Variants in PSD3 observed in about 807,000 individuals in gnomAD.
PSD3 encodes the protein PH and SEC7 domain-containing protein 3.
Under a neutral mutation model 105.5 loss-of-function variants are expected in PSD3, and 49 were observed. The observed-to-expected ratio is 0.46, with a 90% CI of 0.37 to 0.59. The LOEUF is 0.59. Ranked by LOEUF, PSD3 falls within the 20% of genes least tolerant of loss-of-function variation. PSD3 has a pLI of 0.00. For synonymous variants in PSD3, 557 were observed against 457.8 expected (o/e 1.22, Z -2.77); for missense variants, 1,561 against 1,263.8 (o/e 1.24, Z -3.57).
Position 18,765,622 on chromosome 8 carries a change from A to G in PSD3, c.2083-84T>C. 3.3e-6 allele frequency: 4 copies of G among 1,200,124 alleles called. No homozygotes were observed. The Admixed American group carries it at 6.8e-5, about 20-fold the overall frequency. The allele number at this position is 1,200,124 out of a possible 1,614,324, so 74.3% of individuals were successfully genotyped here. On this transcript the variant is annotated intron_variant, in intron 8 of 15. Coordinates refer to ENST00000327040, the MANE Select transcript of PSD3 (RefSeq NM_015310.4). ...AAATATATGATGAGGCAGACCAATA[A>G]TTTGTTTCTAAAAACATAACTAGGC...
chr8:18,859,393 G>C (rs1241229814), intron 4 of PSD3, among the ~76,000 whole-genome samples: 3 of 152,136 alleles, frequency 2.0e-5, no homozygotes, highest in Non-Finnish European at 4.4e-5. Flanking sequence ...AGGATTTTGA[G>C]AAGGGAAAAT....
intron 2 of PSD3, among the ~76,000 whole-genome samples, chr8:18,881,662 C>T (rs1052604900): frequency 7.2e-5 from 11 of 152,114 alleles, no homozygotes; most frequent in African/African-American, 2.7e-4. Flanking sequence ...CTCAGGAGAG[C>T]CACAGTTACG....
At chr8:18,804,389 G>T in intron 6 of PSD3, 133 bp downstream of exon 6, 2 of 756,218 alleles carry the variant, frequency 2.6e-6, no homozygotes, top group Non-Finnish European at 4.1e-6. Flanking sequence ...CAAACATTTT[G>T]GAGAAGGAAT....
intron 1 of PSD3, among the ~76,000 whole-genome samples, chr8:19,020,810 G>A (rs1827339657): frequency 6.6e-6 from 1 of 152,168 alleles, no homozygotes; most frequent in African/African-American, 2.4e-5. Flanking sequence ...TGACTCAAGG[G>A]TTTGGGACTG....
Position 18,535,858 on chromosome 8 carries a change from G to A in PSD3, c.3029C>T (p.Ser1010Leu). The change falls in exon 16 of 16, where the codon TCG becomes TTG. Residue 1010 changes from serine to leucine, a missense_variant. By Grantham distance (145) the Ser-to-Leu change is moderately radical. Transcript: ENST00000327040. ...AGTATCCGGGTTCAGCGAAGGACTC[G>A]AGTGCGACTTCTTCAGTCCTGCAGC... ...SEAAGLKKSH[S>L]SPSLNPDTSP... is the part of the protein sequence containing the mutation. 2 of 1,614,084 alleles carry A rather than the reference G, an allele frequency of 1.2e-6. No individual in the cohort carries two copies. Among genetic ancestry groups the A allele is most frequent in the South Asian group, 1.1e-5 (1 of 91,082 alleles).
chr8:18,962,515 A>G (rs1422451394), intron 1 of PSD3, among the ~76,000 whole-genome samples: 5 of 152,198 alleles, frequency 3.3e-5, no homozygotes, highest in African/African-American at 1.2e-4. Flanking sequence ...AAAAAATGGC[A>G]AACTATATTG....
intron 1 of PSD3, among the ~76,000 whole-genome samples, chr8:18,945,865 T>C (rs1237328217): frequency 6.6e-6 from 1 of 150,390 alleles, no homozygotes. Context: ...ATCCCAGCTC[T>C]CAGGAGGCTG....
chr8:18,774,970 G>A, intron 8 of PSD3: 1 of 456,092 alleles, frequency 2.2e-6, no homozygotes, highest in South Asian at 1.5e-5. Context: ...AGAGAAAAGT[G>A]CCCATTAATC....
At chr8:18,800,394 A>T (rs564378503) in intron 7 of PSD3, among the ~76,000 whole-genome samples, 2 of 152,240 alleles carry the variant, frequency 1.3e-5, no homozygotes, top group South Asian at 4.1e-4. Flanking sequence ...CATGGAGGGG[A>T]GGTTGAGGCA....
intron 1 of PSD3, among the ~76,000 whole-genome samples, chr8:19,072,631 G>A (rs546107313): frequency 1.3e-5 from 2 of 152,314 alleles, no homozygotes; most frequent in South Asian, 4.1e-4. Context: ...GCTCCCAGCT[G>A]CTCAAATGCA....
chr8:18,990,168 T>G (rs1235959595), intron 1 of PSD3, among the ~76,000 whole-genome samples: 1 of 152,246 alleles, frequency 6.6e-6, no homozygotes, highest in Non-Finnish European at 1.5e-5. Flanking sequence ...TTTCTTGCCC[T>G]CTTCAATCCG....
chr8:18,750,735 C>T (rs1468347334), intron 9 of PSD3, among the ~76,000 whole-genome samples: 2 of 151,998 alleles, frequency 1.3e-5, no homozygotes, highest in Non-Finnish European at 2.9e-5. Context: ...AGGTTCTCCA[C>T]GTCCCCATCA....
At chr8:18,722,699 G>A (rs1166502547) in intron 9 of PSD3, among the ~76,000 whole-genome samples, 16 of 152,130 alleles carry the variant, frequency 1.1e-4, no homozygotes. Context: ...AATAATGGAT[G>A]AGGGAGAAAA....
chr8:18,840,073 A>G (rs1173026384), intron 4 of PSD3, among the ~76,000 whole-genome samples: 1 of 152,360 alleles, frequency 6.6e-6, no homozygotes, highest in Non-Finnish European at 1.5e-5. Flanking sequence ...TGGACCTTTA[A>G]GAATCCTAAT....
At chr8:18,668,550 C>T (rs1799611308) in intron 9 of PSD3, among the ~76,000 whole-genome samples, 1 of 152,160 alleles carries the variant, frequency 6.6e-6, no homozygotes, top group South Asian at 2.1e-4. Context: ...CAGCTGATGC[C>T]TATGAAGGTT....
chr8:18,535,610 A>G lies in PSD3; in HGVS notation c.*133T>C. 2.7e-6 allele frequency: 2 copies of G among 753,700 alleles called. No individual in the cohort carries two copies. Among genetic ancestry groups the G allele is most frequent in the South Asian group, 3.7e-5 (2 of 53,914 alleles). The allele number at this position is 753,700 out of a possible 1,614,324, so 46.7% of individuals were successfully genotyped here. ...TCTGTACAGAAACTAACAAAAATAT[A>G]CAATAGAAAAAATTACTAATGCACC... is the stretch of plus-strand genomic sequence containing the variant. On this transcript the variant is annotated 3_prime_UTR_variant, in exon 16 of 16. Coordinates refer to ENST00000327040, the MANE Select transcript of PSD3 (RefSeq NM_015310.4).
chr8:18,688,826 AG>A (rs1261705613), intron 9 of PSD3, among the ~76,000 whole-genome samples: 2 of 152,222 alleles, frequency 1.3e-5, no homozygotes, highest in Admixed American at 1.3e-4. Context: ...CAGCCTGTAC[AG>A]AGACAGCCGA....
chr8:18,836,855 A>G (rs947756758), intron 4 of PSD3, among the ~76,000 whole-genome samples: 1 of 151,984 alleles, frequency 6.6e-6, no homozygotes, highest in Non-Finnish European at 1.5e-5. Flanking sequence ...GACCCGCCCA[A>G]TATTTTTGAT....
At chr8:18,679,971 T>C (rs959190345) in intron 9 of PSD3, among the ~76,000 whole-genome samples, 1 of 152,214 alleles carries the variant, frequency 6.6e-6, no homozygotes, top group East Asian at 1.9e-4. Flanking sequence ...CATGTTATAT[T>C]AATCCACTCA....
Sources: allele counts gnomAD v4.1 joint callset (sites outside exome capture counted in the v4.1 genomes callset), GRCh38; gene constraint gnomAD v4.1.1; transcripts MANE v1.5; gene names NCBI Gene and HGNC (gene_info 2026-07-23, HGNC 2026-07-21).